The following PCDHA12 variants were observed in gnomAD, a reference collection of about 807,000 sequenced individuals.
The protein encoded by PCDHA12 is protocadherin alpha-12.
A neutral mutation model predicts 60.0 loss-of-function variants in PCDHA12; 44 were observed. The observed-to-expected ratio is 0.73, with a 90% confidence interval of 0.58 to 0.94. PCDHA12 has a LOEUF of 0.94. Ranked by LOEUF, PCDHA12 falls within the 40% of genes least tolerant of loss-of-function variation. PCDHA12 has a pLI of 0.00. For missense variants in PCDHA12, 1,276 were observed against 1,239.7 expected (o/e 1.03, Z -0.44); for synonymous variants, 569 against 553.0 (o/e 1.03, Z -0.40).
intron 1 of PCDHA12, chr5:140,928,054 A>T (rs2084892451): frequency 1.2e-6 from 2 of 1,613,994 alleles, no homozygotes; most frequent in Non-Finnish European, 1.7e-6. Flanking sequence ...TTTTCAGCTG[A>T]CGGCTTCCTT....
rs1307653192 is a variant in PCDHA12, at chr5:141,009,883, G to C, written c.2772G>C (p.Lys924Asn). 1.2e-6 allele frequency: 2 copies of C among 1,613,212 alleles called. No individual in the cohort carries two copies. Among genetic ancestry groups the C allele is most frequent in the Non-Finnish European group, 1.7e-6 (2 of 1,179,888 alleles). Reference sequence around the variant, plus strand: ...AGAAGAAAAAGAAGAAGGGTAACAAGACCCAGGAGAAAAAAGAGAAAGGGA... The same window carrying C: ...AGAAGAAAAAGAAGAAGGGTAACAACACCCAGGAGAAAAAAGAGAAAGGGA... ...KKKKKKKKGNKTQEKKEKGNS... is the reference protein window; with the variant it reads ...KKKKKKKKGNNTQEKKEKGNS... The change falls in exon 4 of 4, where the codon AAG becomes AAC. Residue 924 changes from lysine (K) to asparagine (N), a missense_variant. Coordinates refer to ENST00000398631, the MANE Select transcript of PCDHA12 (RefSeq NM_018903.4).
At chr5:140,887,241 C>T (rs1215011038) in intron 1 of PCDHA12, among the ~76,000 whole-genome samples, 2 of 151,912 alleles carry the variant, frequency 1.3e-5, no homozygotes, top group African/African-American at 2.4e-5. Flanking sequence ...AGACTACCGG[C>T]GCCCGCCACC....
Position 140,877,135 on chromosome 5 carries a change from G to C in PCDHA12, c.1663G>C (p.Val555Leu). The C allele has an allele frequency of 6.2e-7, 1 of 1,613,790 alleles. No homozygotes were observed. The highest frequency in any genetic ancestry group is 8.5e-7 in the Non-Finnish European group (1 of 1,179,866). Residue 555 changes from valine to leucine, a missense_variant, in exon 1 of 4, where the codon GTG becomes CTG. Val to Leu is a conservative substitution (Grantham distance 32, BLOSUM62 1). Coordinates refer to ENST00000398631, the MANE Select transcript of PCDHA12 (RefSeq NM_018903.4). ...CAGCAACGTGACGCTGCAGGTGTTC[G>C]TGCTGGACGAGAACGACAACGCGCC... ...LGSNVTLQVF[V>L]LDENDNAPAL...
intron 1 of PCDHA12, among the ~76,000 whole-genome samples, chr5:140,944,988 G>A (rs1554216650): frequency 6.6e-6 from 1 of 152,048 alleles, no homozygotes; most frequent in Non-Finnish European, 1.5e-5. Flanking sequence ...GTCTACTTCT[G>A]TAACGGTTGT....
At chr5:140,995,132 A>G (rs2097665905) in intron 3 of PCDHA12, among the ~76,000 whole-genome samples, 1 of 152,222 alleles carries the variant, frequency 6.6e-6, no homozygotes, top group African/African-American at 2.4e-5. Flanking sequence ...CTGAAACCTC[A>G]TTTAGTACTG....
At chr5:140,951,170 A>G (rs62384503) in intron 1 of PCDHA12, among the ~76,000 whole-genome samples, 5,911 of 151,952 alleles carry the variant, frequency 0.039, 176 homozygotes, top group Non-Finnish European at 0.057. Flanking sequence ...TAGCTACTTT[A>G]AAGTCATTGT....
intron 1 of PCDHA12, chr5:140,881,522 A>G: frequency 5.1e-6 from 1 of 196,850 alleles, no homozygotes; most frequent in South Asian, 1.8e-4. Context: ...AAAATCCCAC[A>G]CATATTGACT....
At chr5:140,877,894 G>C (rs1186724493) in intron 1 of PCDHA12, 55 bp downstream of exon 1, 21 of 1,447,492 alleles carry the variant, frequency 1.5e-5, no homozygotes, top group African/African-American at 2.9e-5. Flanking sequence ...CTTCCGTTTA[G>C]GTTATAACTA....
rs1422466475 is a variant in PCDHA12 at position 140,877,665 on chromosome 5, G to A, written c.2193G>A (p.Arg731=). 5.0e-6 allele frequency: 8 copies of A among 1,613,522 alleles called. No homozygotes were observed. In the African/African-American group the frequency reaches 8.0e-5, roughly 16 times the overall value. The change falls in exon 1 of 4, where the codon CGG becomes CGA. Residue 731 remains arginine, a synonymous_variant. Coordinates refer to ENST00000398631, the MANE Select transcript of PCDHA12 (RefSeq NM_018903.4). ...LRCSAPPTVS[R]CAPGKPTLVC... ...GCTCAGCGCCGCCCACCGTGAGCCGGTGCGCGCCGGGCAAGCCCACGCTGG... is the reference window on the plus strand; with the variant it reads ...GCTCAGCGCCGCCCACCGTGAGCCGATGCGCGCCGGGCAAGCCCACGCTGG...
intron 3 of PCDHA12, among the ~76,000 whole-genome samples, chr5:140,996,043 C>T (rs1282990779): frequency 6.6e-6 from 1 of 152,202 alleles, no homozygotes; most frequent in Non-Finnish European, 1.5e-5. Context: ...GCACTTAACA[C>T]AGTGCTTGGC....
chr5:140,884,271 C>T, intron 1 of PCDHA12: 1 of 1,613,540 alleles, frequency 6.2e-7, no homozygotes, highest in Non-Finnish European at 8.5e-7. Flanking sequence ...GTGCTGTTGT[C>T]GCTGGTGGAG....
chr5:140,878,450 A>T (rs2057594535), intron 1 of PCDHA12, among the ~76,000 whole-genome samples: 1 of 152,224 alleles, frequency 6.6e-6, no homozygotes, highest in Non-Finnish European at 1.5e-5. Context: ...TCTTATTTAC[A>T]TGAAATATAA....
Position 140,968,523 on chromosome 5 carries a change from A to T in PCDHA12, c.2368-10426A>T, listed in dbSNP as rs1441549667. ...CACATTCTGTACCCTACCTCAACCA[A>T]CTCGTCAGCAGCCTTCGAGATGGTG... On this transcript the variant is annotated intron_variant, in intron 1 of 3. Coordinates refer to ENST00000398631, the MANE Select transcript of PCDHA12 (RefSeq NM_018903.4). The T allele has an allele frequency of 1.3e-5, 21 of 1,613,762 alleles. No individual in the cohort carries two copies. Among genetic ancestry groups the T allele is most frequent in the Non-Finnish European group, 1.8e-5 (21 of 1,179,980 alleles).
chr5:141,003,343 GCT>G (rs1554259027), intron 3 of PCDHA12, among the ~76,000 whole-genome samples: 1 of 152,198 alleles, frequency 6.6e-6, no homozygotes, highest in Non-Finnish European at 1.5e-5. Context: ...TTGTTTGTTT[GCT>G]CTGTCACCCA....
At chr5:141,006,951 T>TA (rs1428990680) in intron 3 of PCDHA12, among the ~76,000 whole-genome samples, 1 of 152,164 alleles carries the variant, frequency 6.6e-6, no homozygotes, top group Non-Finnish European at 1.5e-5. Context: ...GATAGGCAGT[T>TA]ATACATGAGA....
intron 3 of PCDHA12, among the ~76,000 whole-genome samples, chr5:140,996,819 C>T (rs1446677147): frequency 6.6e-6 from 1 of 152,142 alleles, no homozygotes; most frequent in East Asian, 1.9e-4. Context: ...CAAAAGTAAC[C>T]ACTACCAATA....
intron 1 of PCDHA12, 107 bp downstream of exon 1, chr5:140,877,946 C>A: frequency 7.4e-7 from 1 of 1,349,556 alleles, no homozygotes; most frequent in Non-Finnish European, 9.7e-7. Flanking sequence ...TTTAAACTAT[C>A]GAATGTCTCA....
At chr5:140,958,921 G>A (rs269549) in intron 1 of PCDHA12, among the ~76,000 whole-genome samples, 34,177 of 150,822 alleles carry the variant, frequency 0.23, 4,980 homozygotes, top group African/African-American at 0.42. Context: ...GCCTGGGTGT[G>A]GTGGCTCATA....
intron 1 of PCDHA12, among the ~76,000 whole-genome samples, chr5:140,938,353 C>G (rs2092034112): frequency 6.6e-6 from 1 of 152,138 alleles, no homozygotes; most frequent in Admixed American, 6.5e-5. Flanking sequence ...TGTCTTATTC[C>G]TGGTCTCAGA....
Sources: gnomAD v4.1 joint callset for allele counts (sites outside exome capture counted in the v4.1 genomes callset) on GRCh38, gnomAD v4.1.1 for gene constraint, MANE v1.5 for transcripts, NCBI Gene and HGNC (gene_info 2026-07-23, HGNC 2026-07-21) for gene names.